The following IGLON5 variants were observed in gnomAD, a reference collection of about 807,000 sequenced individuals.
IGLON5 encodes the protein Ig-like domain-containing protein ENSP00000270642.
A neutral mutation model predicts 38.2 loss-of-function variants in IGLON5; 16 were observed. The ratio of observed to expected loss-of-function variants is 0.42; its 90% CI spans 0.28 to 0.64. The LOEUF is 0.64. Ranked by LOEUF, IGLON5 falls within the 30% of genes least tolerant of loss-of-function variation. The probability of loss-of-function intolerance (pLI) is 0.23; values close to 1 mark genes in which losing one functional copy is unlikely to be tolerated. For synonymous variants in IGLON5, 207 were observed against 216.4 expected (o/e 0.96, Z 0.38); for missense variants, 366 against 483.4 (o/e 0.76, Z 2.28).
Position 51,313,214 on chromosome 19 carries a change from G to A in IGLON5, c.79+1288G>A, listed in dbSNP as rs144379285. On this transcript the variant is annotated intron_variant, in intron 1 of 7. Coordinates refer to ENST00000270642, the MANE Select transcript of IGLON5 (RefSeq NM_001101372.3). ...CTCAGTCCCTTGCTAGTCCTCCCCC[G>A]TCTCCCACCTGACCAGTCTGAATCG... 1.1e-4 allele frequency among the ~76,000 whole-genome samples: 17 copies of A among 152,242 alleles called. No homozygotes were observed. The East Asian group carries it at 2.9e-3, about 26-fold the overall frequency.
intron 1 of IGLON5, among the ~76,000 whole-genome samples, chr19:51,319,564 C>T (rs959750521): frequency 2.0e-5 from 3 of 152,042 alleles, no homozygotes; most frequent in African/African-American, 4.8e-5. Flanking sequence ...TCTGTCTTCA[C>T]CAGCCTGGGA....
intron 1 of IGLON5, among the ~76,000 whole-genome samples, chr19:51,316,478 T>TTTTTCTTTTC (rs1282106625): frequency 6.6e-6 from 1 of 150,566 alleles, no homozygotes; most frequent in African/African-American, 2.4e-5. Flanking sequence ...TTTTTCTTTG[T>TTTTTCTTTTC]TTTTCTTTTC....
chr19:51,315,713 T>G (rs376569963), intron 1 of IGLON5, among the ~76,000 whole-genome samples: 4,240 of 96,126 alleles, frequency 0.044, 135 homozygotes, highest in Middle Eastern at 0.18. Flanking sequence ...TTTTTTTTTT[T>G]GAGACAGAGT....
rs1019371742 is a variant in IGLON5 at position 51,312,646 on chromosome 19, T to C, written c.79+720T>C. On this transcript the variant is annotated intron_variant, in intron 1 of 7. Transcript: ENST00000270642. ...GGGGTCTTGGATTCCCAAGCTCTGA[T>C]TGAATGTCTAGGTTCGTGGGGCTGG... Among the ~76,000 whole-genome samples the C allele has an allele frequency of 4.6e-5, 7 of 152,172 alleles. No homozygotes were observed. The East Asian group carries it at 5.8e-4, about 13-fold the overall frequency.
chr19:51,313,061 C>T (rs553888446), intron 1 of IGLON5, among the ~76,000 whole-genome samples: 8 of 152,264 alleles, frequency 5.3e-5, no homozygotes, highest in Admixed American at 1.3e-4. Context: ...TCAGAGAGGC[C>T]GCCCGCATAG....
At position 51,323,853 on chromosome 19, in the gene IGLON5, G is replaced by A. The variant is rs201508562; in HGVS notation, c.350G>A (p.Arg117His). 1.3e-4 allele frequency: 209 copies of A among 1,613,416 alleles called. No individual in the cohort carries two copies. The highest frequency in any genetic ancestry group is 9.3e-4 in the Admixed American group (56 of 60,014). ...EGLYTCSFQT[R>H]HQPYTTQVYL... ...CTCTACACCTGCTCCTTCCAGACCC[G>A]CCACCAGCCGTACACCACTCAGGTC... The change falls in exon 3 of 8, where the codon CGC (arginine) becomes CAC (histidine). Residue 117 changes from arginine to histidine, a missense_variant. Physicochemically the swap from Arg to His is conservative, Grantham distance 29. Coordinates refer to ENST00000270642, the MANE Select transcript of IGLON5 (RefSeq NM_001101372.3).
intron 4 of IGLON5, among the ~76,000 whole-genome samples, chr19:51,326,354 A>T (rs1320226519): frequency 6.6e-6 from 1 of 151,948 alleles, no homozygotes; most frequent in African/African-American, 2.4e-5. Flanking sequence ...GATTCCCTAG[A>T]CCCCATGAAT....
In IGLON5 at chr19:51,327,741, C is replaced by A; in HGVS notation, c.777C>A (p.Ser259Arg). 1 of 1,573,632 alleles carries A rather than the reference C, an allele frequency of 6.4e-7. No individual in the cohort carries two copies. Among genetic ancestry groups the A allele is most frequent in the Non-Finnish European group, 8.6e-7 (1 of 1,162,882 alleles). Residue 259 changes from serine to arginine, a missense_variant, in exon 7 of 8, where the codon AGC (serine) becomes AGA (arginine). Ser to Arg is a moderately radical substitution (Grantham distance 110). Coordinates refer to ENST00000270642, the MANE Select transcript of IGLON5 (RefSeq NM_001101372.3). The surrounding 1 kb of genome is among the most constrained non-coding windows in gnomAD (Gnocchi z 7.1). Reference protein sequence around the residue: ...QWYKDDRLLSSGTAEGLKVQT... With the variant: ...QWYKDDRLLSRGTAEGLKVQT... ...CCCGGATCCCTGGCAGGCTGAGCAGCGGCACGGCCGAAGGCCTGAAGGTGC... is the reference window on the plus strand; with the variant it reads ...CCCGGATCCCTGGCAGGCTGAGCAGAGGCACGGCCGAAGGCCTGAAGGTGC...
Position 51,329,210 on chromosome 19 carries a change from T to C in IGLON5, c.*451T>C, listed in dbSNP as rs111571826. On this transcript the variant is annotated 3_prime_UTR_variant, in exon 8 of 8. Coordinates refer to ENST00000270642, the MANE Select transcript of IGLON5 (RefSeq NM_001101372.3). This position sits in a 1 kb window ranked among gnomAD's most constrained non-coding sequence, Gnocchi z 4.3. The stretch of plus-strand genomic sequence containing the variant: ...CCCATGTCCACTGTCCCCAACCCTA[T>C]TGCCTCTCACCTCTGGCTGGAGGTA... 19,609 of 153,862 alleles carry C rather than the reference T, an allele frequency of 0.13. 1,955 individuals are homozygous for C. Among genetic ancestry groups the C allele is most frequent in the African/African-American group, 0.27 (11,052 of 41,164 alleles). The allele number at this position is 153,862 out of a possible 1,614,324, so 9.5% of individuals were successfully genotyped here.
Position 51,326,755 on chromosome 19 carries a change from C to T in IGLON5, c.512-9C>T. 6.5e-7 allele frequency: 1 copy of T among 1,545,074 alleles called. No individual in the cohort carries two copies. Among genetic ancestry groups the T allele is most frequent in the Non-Finnish European group, 8.7e-7 (1 of 1,144,592 alleles). ...CGGCCCCGCCCCCTCCTCCTCCTTC[C>T]CCCCACAGACGGCTTCACCTCGGAG... On this transcript the variant is annotated splice_polypyrimidine_tract_variant and intron_variant, in intron 4 of 7. Coordinates refer to ENST00000270642, the MANE Select transcript of IGLON5 (RefSeq NM_001101372.3).
chr19:51,312,044 G>A (rs1039919384), intron 1 of IGLON5, 118 bp downstream of exon 1: 10 of 476,078 alleles, frequency 2.1e-5, no homozygotes, highest in Non-Finnish European at 2.2e-5. Context: ...GGGAGGCCCC[G>A]GGACGCCGGG....
Position 51,327,890 on chromosome 19 carries a change from C to A in IGLON5, c.922+4C>A. On this transcript the variant is annotated splice_donor_region_variant and intron_variant, in intron 7 of 7. Coordinates refer to ENST00000270642, the MANE Select transcript of IGLON5 (RefSeq NM_001101372.3). The surrounding 1 kb of genome is among the most constrained non-coding windows in gnomAD (Gnocchi z 7.1). ...AGCGCCTCCATGCGGCTCCTGCGTG[C>A]GTCTTCGGGCGGGGCGGGGCCGGGA... The A allele has an allele frequency of 7.6e-7, 1 of 1,315,494 alleles. No homozygotes were observed. Among genetic ancestry groups the A allele is most frequent in the South Asian group, 1.4e-5 (1 of 73,618 alleles). The allele number at this position is 1,315,494 out of a possible 1,614,324, so 81.5% of individuals were successfully genotyped here.
At chr19:51,313,692 TTTC>T (rs201169934) in intron 1 of IGLON5, among the ~76,000 whole-genome samples, 12,219 of 68,456 alleles carry the variant, frequency 0.18, 944 homozygotes, top group Middle Eastern at 0.27. Flanking sequence ...TCTTTCTTTC[TTTC>T]TTCTTTCTTC....
chr19:51,327,063 C>A lies in IGLON5; in HGVS notation c.647-17C>A. The A allele has an allele frequency of 6.2e-7, 1 of 1,603,794 alleles. No individual in the cohort carries two copies. The highest frequency in any genetic ancestry group is 8.5e-7 in the Non-Finnish European group (1 of 1,174,252). On this transcript the variant is annotated splice_polypyrimidine_tract_variant and intron_variant, in intron 5 of 7. Coordinates refer to ENST00000270642, the MANE Select transcript of IGLON5 (RefSeq NM_001101372.3). The surrounding 1 kb of genome is among the most constrained non-coding windows in gnomAD (Gnocchi z 7.1). ...CCACGCGGCTAGGAGAATTCGCTGACCCTTGCCCCTCGCCAGATCCTCCGA... is the reference window on the plus strand; with the variant it reads ...CCACGCGGCTAGGAGAATTCGCTGAACCTTGCCCCTCGCCAGATCCTCCGA...
At chr19:51,315,090 A>C (rs1199021528) in intron 1 of IGLON5, among the ~76,000 whole-genome samples, 1 of 152,144 alleles carries the variant, frequency 6.6e-6, no homozygotes, top group African/African-American at 2.4e-5. Context: ...ATCTATCTTC[A>C]ATTCTTTTCT....
chr19:51,322,222 T>G (rs1337615242), intron 2 of IGLON5, 80 bp downstream of exon 2: 17 of 1,150,190 alleles, frequency 1.5e-5, no homozygotes, highest in Non-Finnish European at 2.2e-5. Flanking sequence ...GTGGGGATCC[T>G]GGTTACAGGA....
At chr19:51,312,468 A>T (rs989727786) in intron 1 of IGLON5, among the ~76,000 whole-genome samples, 1 of 152,108 alleles carries the variant, frequency 6.6e-6, no homozygotes, top group Admixed American at 6.5e-5. Flanking sequence ...AAGGGTGTCC[A>T]CAGACCTAGT....
chr19:51,320,050 C>T (rs1195850910), intron 1 of IGLON5, among the ~76,000 whole-genome samples: 3 of 151,992 alleles, frequency 2.0e-5, no homozygotes, highest in African/African-American at 4.8e-5. Flanking sequence ...TGTGTGTGCA[C>T]GCGCGTGCAC....
chr19:51,315,128 C>G (rs1325134836), intron 1 of IGLON5, among the ~76,000 whole-genome samples: 1 of 138,424 alleles, frequency 7.2e-6, no homozygotes, highest in Non-Finnish European at 1.5e-5. Context: ...ACACACGCAC[C>G]CCCTCACATA....
Sources: allele counts gnomAD v4.1 joint callset (sites outside exome capture counted in the v4.1 genomes callset), GRCh38; gene constraint gnomAD v4.1.1; non-coding constraint Gnocchi (gnomAD v3.1); transcripts MANE v1.5; gene names NCBI Gene and HGNC (gene_info 2026-07-23, HGNC 2026-07-21).